BRAT1: variants seen among roughly 807,000 people sequenced by gnomAD.
The protein encoded by BRAT1 is BRCA1 associated ATM activator 1.
In BRAT1, 74 loss-of-function variants were observed where a neutral mutation model predicts 70.6. The observed-to-expected ratio is 1.05, with a 90% confidence interval of 0.87 to 1.27. The LOEUF (loss-of-function observed/expected upper bound fraction) is 1.27. BRAT1 is among the 50% of genes most tolerant of loss of function. BRAT1 has a pLI of 0.00. For synonymous variants in BRAT1, 615 were observed against 517.1 expected (o/e 1.19, Z -2.57); for missense variants, 1,203 against 1,098.2 (o/e 1.10, Z -1.35).
At chr7:2,551,282 G>GAT (rs751783905) in intron 2 of BRAT1, among the ~76,000 whole-genome samples, 2,517 of 149,064 alleles carry the variant, frequency 0.017, 24 homozygotes, top group Non-Finnish European at 0.024. Context: ...TCTATATATA[G>GAT]ATATATATAT....
In BRAT1 at chr7:2,543,471, C is replaced by T. The variant is rs985384495; in HGVS notation, c.803+119G>A. On this transcript the variant is annotated intron_variant, in intron 5 of 13. Coordinates refer to ENST00000340611, the MANE Select transcript of BRAT1 (RefSeq NM_152743.4). This position sits in a 1 kb window ranked among gnomAD's most constrained non-coding sequence, Gnocchi z 5.5. ...GAGGGTTCCAGGGTCACCCCGGTGCCGCTTCACTGCAGGCCATGTCCTCAG... is the reference window on the plus strand; with the variant it reads ...GAGGGTTCCAGGGTCACCCCGGTGCTGCTTCACTGCAGGCCATGTCCTCAG... 65 of 1,479,172 alleles carry T rather than the reference C, an allele frequency of 4.4e-5. 1 individual carries two copies. Among genetic ancestry groups the T allele is most frequent in the Admixed American group, 1.6e-4 (7 of 42,430 alleles). The allele number at this position is 1,479,172 out of a possible 1,614,324, so 91.6% of individuals were successfully genotyped here.
chr7:2,554,446 C>A lies in BRAT1; in HGVS notation c.-15G>T. 6.2e-7 allele frequency: 1 copy of A among 1,610,796 alleles called. No homozygotes were observed. ...TCTGGGTCCATGGTGAGGCCGCAGGCCCTGCAAAGGCAATGTGAGAGCCAA... is the reference window on the plus strand; with the variant it reads ...TCTGGGTCCATGGTGAGGCCGCAGGACCTGCAAAGGCAATGTGAGAGCCAA... On this transcript the variant is annotated splice_region_variant and 5_prime_UTR_variant, in exon 2 of 14. Coordinates refer to ENST00000340611, the MANE Select transcript of BRAT1 (RefSeq NM_152743.4).
In BRAT1 at chr7:2,538,053, C is replaced by G; in HGVS notation, c.*16G>C. On this transcript the variant is annotated 3_prime_UTR_variant, in exon 14 of 14. Coordinates refer to ENST00000340611, the MANE Select transcript of BRAT1 (RefSeq NM_152743.4). ...CTCCCTTGGTCCTGAGCCCCAGTGG[C>G]AGACTCTGGTTCTGCTCAGTAGCAG... 1 of 1,527,238 alleles carries G rather than the reference C, an allele frequency of 6.5e-7. No individual in the cohort carries two copies. Among genetic ancestry groups the G allele is most frequent in the African/African-American group, 1.4e-5 (1 of 72,666 alleles). The allele number at this position is 1,527,238 out of a possible 1,614,324, so 94.6% of individuals were successfully genotyped here. A position where few individuals can be genotyped will look rare whatever the true frequency, so the allele number is the denominator to read the frequency against.
chr7:2,541,888 C>T (rs779084467), intron 7 of BRAT1, 52 bp from the exon 8 acceptor site: 33 of 1,574,142 alleles, frequency 2.1e-5, no homozygotes, highest in Non-Finnish European at 2.6e-5. Context: ...AGCCTCCCCA[C>T]GGTCACCAGC....
intron 2 of BRAT1, among the ~76,000 whole-genome samples, chr7:2,549,245 G>A (rs939474101): frequency 6.6e-6 from 1 of 152,184 alleles, no homozygotes. Context: ...AGCATCTTGA[G>A]AGGCCGAGGT....
At chr7:2,539,996 G>A in intron 10 of BRAT1, 108 bp from the exon 11 acceptor site, 1 of 759,780 alleles carries the variant, frequency 1.3e-6, no homozygotes, top group Non-Finnish European at 2.0e-6. Context: ...GACAGCAATG[G>A]GGACAGGAAG....
rs376271902 is a variant in BRAT1, at chr7:2,538,276, C to T, written c.2259G>A (p.Pro753=). The change falls in exon 14 of 14, where the codon CCG becomes CCA. Residue 753 remains proline (P), a synonymous_variant. Coordinates refer to ENST00000340611, the MANE Select transcript of BRAT1 (RefSeq NM_152743.4). ...PNTASAEATL[P]RWRAGEQAQP... is the part of the protein sequence containing the mutation. ...GGGCCTGCTCACCCGCCCGCCACCT[C>T]GGCAGGGTGGCCTCTGCGGAGGCAG... 6.8e-5 allele frequency: 109 copies of T among 1,611,768 alleles called. No individual in the cohort carries two copies. Among genetic ancestry groups the T allele is most frequent in the African/African-American group, 5.3e-4 (40 of 75,064 alleles).
intron 10 of BRAT1, 68 bp from the exon 11 acceptor site, chr7:2,539,956 C>G (rs769634441): frequency 2.5e-5 from 30 of 1,184,394 alleles, no homozygotes; most frequent in Non-Finnish European, 3.4e-5. Flanking sequence ...CTGTCCCCCT[C>G]GCCTTCACCT....
In BRAT1 at chr7:2,538,401, C is replaced by T. The variant is rs1422341077; in HGVS notation, c.2134G>A (p.Asp712Asn). The T allele has an allele frequency of 4.3e-6, 7 of 1,613,440 alleles. No homozygotes were observed. The highest frequency in any genetic ancestry group is 5.9e-6 in the Non-Finnish European group (7 of 1,179,972). Residue 712 changes from aspartate to asparagine, a missense_variant, in exon 14 of 14, where the codon GAC becomes AAC. Transcript: ENST00000340611. ...DFAFCALFDC[D>N]RPVAQKSCDL... ...CAAGACTTCTGCGCCACAGGGCGGT[C>T]GCAGTCAAACAAGGCACAAAAGGCG...
At chr7:2,546,312 C>A (rs1350532601) in intron 3 of BRAT1, among the ~76,000 whole-genome samples, 1 of 152,156 alleles carries the variant, frequency 6.6e-6, no homozygotes, top group Admixed American at 6.5e-5. Flanking sequence ...GTGGTTCATG[C>A]ACCTGTGGAC....
chr7:2,546,394 T>C (rs1779609504), intron 3 of BRAT1, among the ~76,000 whole-genome samples: 1 of 152,172 alleles, frequency 6.6e-6, no homozygotes, highest in African/African-American at 2.4e-5. Context: ...GAGCTGCCAC[T>C]GCACTCCAGC....
rs755145624 is a variant in BRAT1 at position 2,539,311 on chromosome 7, C to T, written c.1638G>A (p.Val546=). 2 of 1,611,858 alleles carry T rather than the reference C, an allele frequency of 1.2e-6. No homozygotes were observed. The highest frequency in any genetic ancestry group is 1.7e-6 in the Non-Finnish European group (2 of 1,179,734). The change falls in exon 13 of 14, where the codon GTG becomes GTA. Residue 546 remains valine (V), a synonymous_variant. Coordinates refer to ENST00000340611, the MANE Select transcript of BRAT1 (RefSeq NM_152743.4). The stretch of plus-strand genomic sequence containing the variant: ...GGAGGAGCTGCAGGGCCAGCTGAGG[C>T]ACCTCTGAAGCCAAGAGTGCGCATC... ...DFRCALLASE[V]PQLALQLLQD... is the part of the protein sequence containing the mutation.
At chr7:2,552,099 TATA>T (rs1780066207) in intron 2 of BRAT1, among the ~76,000 whole-genome samples, 3 of 16,580 alleles carry the variant, frequency 1.8e-4, no homozygotes, top group Non-Finnish European at 2.6e-4. Flanking sequence ...TATATATATA[TATA>T]TATATTTTTT....
intron 2 of BRAT1, among the ~76,000 whole-genome samples, chr7:2,553,268 T>A (rs771859206): frequency 6.6e-6 from 1 of 152,188 alleles, no homozygotes; most frequent in Non-Finnish European, 1.5e-5. Flanking sequence ...TGACTTCAAG[T>A]GACCTACCCG....
intron 2 of BRAT1, among the ~76,000 whole-genome samples, chr7:2,552,343 C>G (rs1780104864): frequency 1.3e-5 from 2 of 150,790 alleles, no homozygotes; most frequent in South Asian, 4.2e-4. Context: ...GTCTCCAACT[C>G]CTGACCTCAA....
At position 2,545,363 on chromosome 7, in the gene BRAT1, CAAAAAAAA is replaced by C. The variant is rs1185029266; in HGVS notation, c.283-315_283-308del. 6.4e-4 allele frequency among the ~76,000 whole-genome samples: 16 copies of C among 25,134 alleles called. 1 individual carries two copies. Among genetic ancestry groups the C allele is most frequent in the Admixed American group, 2.1e-3 (3 of 1,444 alleles). 16.5% of individuals were successfully genotyped at this position (25,134 alleles called of 152,430 possible). A position where few individuals can be genotyped will look rare whatever the true frequency, so the allele number is the denominator to read the frequency against. ...TGGGTGACACAGCGAGACTCCATCT[CAAAAAAAA>C]AAAAAAAAAAAAAAAAAAAGAGGTG... On this transcript the variant is annotated intron_variant, in intron 3 of 13. Transcript: ENST00000340611.
chr7:2,541,549 G>A, intron 8 of BRAT1, 65 bp from the exon 9 acceptor site: 2 of 1,485,800 alleles, frequency 1.3e-6, no homozygotes, highest in Non-Finnish European at 1.8e-6. Context: ...CAGGGGTGCT[G>A]GGACTTCGAG....
chr7:2,538,059 C>G lies in BRAT1; in HGVS notation c.*10G>C, dbSNP rs190232808. ...TGGTCCTGAGCCCCAGTGGCAGACT[C>G]TGGTTCTGCTCAGTAGCAGTCGGCC... is the stretch of plus-strand genomic sequence containing the variant. On this transcript the variant is annotated 3_prime_UTR_variant, in exon 14 of 14. Transcript: ENST00000340611. 583 of 1,541,596 alleles carry G rather than the reference C, an allele frequency of 3.8e-4. 2 individuals are homozygous for G. In the Middle Eastern group the frequency reaches 7.2e-3, roughly 19 times the overall value.
At chr7:2,539,410 C>T in intron 12 of BRAT1, 59 bp from the exon 13 acceptor site, 3 of 1,548,028 alleles carry the variant, frequency 1.9e-6, no homozygotes, top group East Asian at 2.3e-5. Context: ...GTCGCCTCGG[C>T]CTCTGCCTCC....
Sources: gnomAD v4.1 joint callset for allele counts (sites outside exome capture counted in the v4.1 genomes callset) on GRCh38, gnomAD v4.1.1 for gene constraint, Gnocchi (gnomAD v3.1) non-coding constraint, MANE v1.5 for transcripts, NCBI Gene and HGNC (gene_info 2026-07-23, HGNC 2026-07-21) for gene names.